SLC22A8: variants seen among roughly 807,000 people sequenced by gnomAD.
SLC22A8 encodes the protein solute carrier family 22 member 8.
A neutral mutation model predicts 48.4 loss-of-function variants in SLC22A8; 40 were observed. That is an observed-to-expected ratio of 0.83 (90% CI 0.64 to 1.08). The LOEUF (loss-of-function observed/expected upper bound fraction) is 1.08. SLC22A8 is among the 50% of genes least tolerant of loss of function. The probability of loss-of-function intolerance (pLI) is 0.00; values close to 1 mark genes in which losing one functional copy is unlikely to be tolerated. For synonymous variants in SLC22A8, 268 were observed against 286.3 expected (o/e 0.94, Z 0.65); for missense variants, 606 against 699.0 (o/e 0.87, Z 1.50).
rs765584901 is a variant in SLC22A8, at chr11:62,994,668, C to T, written c.1090G>A (p.Gly364Arg). The change falls in exon 8 of 11, where the codon GGG (glycine) becomes AGG (arginine). Residue 364 changes from glycine to arginine, a missense_variant. By Grantham distance (125) the Gly-to-Arg change is moderately radical. Coordinates refer to ENST00000336232, the MANE Select transcript of SLC22A8 (RefSeq NM_004254.4). ...ATGAACTTGGCTGGGACATCGACCC[C>T]ACCAAAGATGATCTGGAGGATGTAG... ...NLYILQIIFG[G>R]VDVPAKFITI... is the part of the protein sequence containing the mutation. The T allele has an allele frequency of 6.2e-7, 1 of 1,614,234 alleles. No individual in the cohort carries two copies. The highest frequency in any genetic ancestry group is 2.2e-5 in the East Asian group (1 of 44,888).
At position 63,000,746 on chromosome 11, in the gene SLC22A8, C is replaced by A; in HGVS notation, c.411G>T (p.Gly137=). Residue 137 remains glycine, a synonymous_variant, in exon 3 of 11, where the codon GGG becomes GGT. Transcript: ENST00000336232. The stretch of plus-strand genomic sequence containing the variant: ...TGTCAGACAGGTCTCCAAGCACGAG[C>A]CCTCCAATCAGTATACCTGCCATGA... ...SIFMAGILIG[G]LVLGDLSDRF... 2.5e-6 allele frequency: 4 copies of A among 1,613,608 alleles called. No homozygotes were observed. The highest frequency in any genetic ancestry group is 1.6e-4 in the Middle Eastern group (1 of 6,062).
At chr11:63,003,515 A>G (rs185566509) in intron 2 of SLC22A8, among the ~76,000 whole-genome samples, 1 of 152,202 alleles carries the variant, frequency 6.6e-6, no homozygotes, top group African/African-American at 2.4e-5. Flanking sequence ...GAGGTGGAGG[A>G]ATGTGCAAGG....
intron 2 of SLC22A8, among the ~76,000 whole-genome samples, chr11:63,001,572 G>A (rs2086495511): frequency 6.6e-6 from 1 of 152,206 alleles, no homozygotes; most frequent in African/African-American, 2.4e-5. Flanking sequence ...CCCTCCGTCA[G>A]GCTTCCTGCT....
chr11:63,000,635 T>A (rs1331177916), intron 3 of SLC22A8, 85 bp downstream of exon 3: 2 of 966,542 alleles, frequency 2.1e-6, no homozygotes, highest in Admixed American at 1.9e-5. Flanking sequence ...GCTCTTTGCC[T>A]CTTTGCGGGT....
intron 4 of SLC22A8, 87 bp downstream of exon 4, chr11:62,999,601 G>T: frequency 8.6e-7 from 1 of 1,164,648 alleles, no homozygotes; most frequent in Non-Finnish European, 1.2e-6. Context: ...CAGGGAGCCT[G>T]TGGTTGAGCC....
At chr11:63,005,224 C>T (rs1345917665) in intron 2 of SLC22A8, among the ~76,000 whole-genome samples, 1 of 152,136 alleles carries the variant, frequency 6.6e-6, no homozygotes, top group East Asian at 1.9e-4. Context: ...AAAATATGGC[C>T]ATGGCTTCCC....
intron 2 of SLC22A8, 191 bp from the exon 3 acceptor site, chr11:63,001,014 AC>A: frequency 1.8e-6 from 1 of 567,554 alleles, no homozygotes; most frequent in South Asian, 2.0e-5. Context: ...TCGGCCCCTG[AC>A]CTGCATCCCT....
At chr11:63,004,582 T>G (rs2135134124) in intron 2 of SLC22A8, among the ~76,000 whole-genome samples, 1 of 152,330 alleles carries the variant, frequency 6.6e-6, no homozygotes, top group East Asian at 1.9e-4. Context: ...TATTTACAAT[T>G]ATAACTCCCA....
chr11:62,999,158 C>T, intron 4 of SLC22A8, 69 bp from the exon 5 acceptor site: 1 of 1,381,752 alleles, frequency 7.2e-7, no homozygotes, highest in Non-Finnish European at 1.0e-6. Flanking sequence ...TGAAGGGGCA[C>T]CAGCTTCTGC....
chr11:63,000,886 G>A, intron 2 of SLC22A8, 63 bp from the exon 3 acceptor site: 2 of 1,291,254 alleles, frequency 1.5e-6, no homozygotes, highest in East Asian at 4.6e-5. Flanking sequence ...GCCATGCTCA[G>A]CCTGTGGCCT....
rs771580765 is a variant in SLC22A8, at chr11:62,998,917, A to G, written c.761+4T>C. 1.2e-6 allele frequency: 2 copies of G among 1,601,808 alleles called. No homozygotes were observed. Among genetic ancestry groups the G allele is most frequent in the South Asian group, 2.2e-5 (2 of 90,334 alleles). On this transcript the variant is annotated splice_donor_region_variant and intron_variant, in intron 5 of 10. Transcript: ENST00000336232. ...AAACAGATGAAGAGGAGAGGGCCAC[A>G]TACCAGGATGATAGGAAGAAGACGA...
intron 2 of SLC22A8, among the ~76,000 whole-genome samples, chr11:63,003,800 T>C (rs1168742048): frequency 6.6e-6 from 1 of 152,150 alleles, no homozygotes; most frequent in East Asian, 1.9e-4. Flanking sequence ...TTGGTGGGAA[T>C]GGTGACAACT....
At chr11:63,012,125 G>A (rs2086625996) in intron 2 of SLC22A8, among the ~76,000 whole-genome samples, 1 of 151,996 alleles carries the variant, frequency 6.6e-6, no homozygotes, top group Non-Finnish European at 1.5e-5. Flanking sequence ...GAGTAGCTGG[G>A]ACTACAGGTG....
chr11:63,015,302 C>T (rs924145635), intron 1 of SLC22A8, among the ~76,000 whole-genome samples: 14 of 152,150 alleles, frequency 9.2e-5, no homozygotes, highest in African/African-American at 2.7e-4. Context: ...TGCGTGAGCT[C>T]GGGTATGTGT....
chr11:63,012,181 G>A (rs1212147568), intron 2 of SLC22A8, among the ~76,000 whole-genome samples: 1 of 151,872 alleles, frequency 6.6e-6, no homozygotes, highest in African/African-American at 2.4e-5. Flanking sequence ...GTAGAGACAG[G>A]GTTTCACCAT....
chr11:63,014,144 G>A (rs1416989014), intron 2 of SLC22A8, among the ~76,000 whole-genome samples: 1 of 152,118 alleles, frequency 6.6e-6, no homozygotes, highest in African/African-American at 2.4e-5. Context: ...TTTGGCCCTT[G>A]ACTGATGTTT....
chr11:62,996,129 C>G lies in SLC22A8; in HGVS notation c.785G>C (p.Trp262Ser). The G allele has an allele frequency of 6.2e-7, 1 of 1,610,918 alleles. No individual in the cohort carries two copies. The highest frequency in any genetic ancestry group is 1.1e-5 in the South Asian group (1 of 90,294). ...SSWWTPESIR[W>S]LVLSGKSSKA... Reference sequence around the variant, plus strand: ...CGAGGACTTTCCAGACAAGACCAACCAGCGTATGGACTCTGGTGTCCACCT... The same window carrying G: ...CGAGGACTTTCCAGACAAGACCAACGAGCGTATGGACTCTGGTGTCCACCT... The change falls in exon 6 of 11, where the codon TGG becomes TCG. Residue 262 changes from tryptophan (W) to serine (S), a missense_variant. Coordinates refer to ENST00000336232, the MANE Select transcript of SLC22A8 (RefSeq NM_004254.4).
Position 62,993,142 on chromosome 11 carries a change from C to T in SLC22A8, c.*95G>A. On this transcript the variant is annotated 3_prime_UTR_variant, in exon 11 of 11. Transcript: ENST00000336232. ...CACCAAGCTCTCAGAAGGCTTCATC[C>T]TAGGAGGATGGACCTATATGGGGCC... The T allele has an allele frequency of 2.3e-6, 2 of 880,262 alleles. No individual in the cohort carries two copies. Among genetic ancestry groups the T allele is most frequent in the East Asian group, 2.6e-5 (1 of 38,170 alleles). 54.5% of individuals were successfully genotyped at this position (880,262 alleles called of 1,614,324 possible).
At chr11:62,993,992 A>C (rs2086377798) in intron 8 of SLC22A8, 114 bp from the exon 9 acceptor site, 1 of 709,012 alleles carries the variant, frequency 1.4e-6, no homozygotes, top group African/African-American at 1.7e-5. Context: ...GCTCAGATCC[A>C]AACTTAAAGC....
Sources: gnomAD v4.1 joint callset for allele counts (sites outside exome capture counted in the v4.1 genomes callset) on GRCh38, gnomAD v4.1.1 for gene constraint, MANE v1.5 for transcripts, NCBI Gene and HGNC (gene_info 2026-07-23, HGNC 2026-07-21) for gene names.